Variants in COPS5 observed in about 807,000 individuals in gnomAD.
The protein encoded by COPS5 is COP9 signalosome subunit 5, also known as COP9 signalosome complex subunit 5.
In COPS5, 8 loss-of-function variants were observed where a neutral mutation model predicts 44.4. The ratio of observed to expected loss-of-function variants is 0.18; its 90% CI spans 0.11 to 0.32. The LOEUF is 0.32. Ranked by LOEUF, COPS5 falls within the 10% of genes least tolerant of loss-of-function variation. COPS5 has a pLI of 1.00. For synonymous variants in COPS5, 122 were observed against 142.8 expected (o/e 0.85, Z 1.04); for missense variants, 159 against 406.4 (o/e 0.39, Z 5.23).
At chr8:67,047,611 T>A (rs112462277) in intron 6 of COPS5, 1 of 452,428 alleles carries the variant, frequency 2.2e-6, no homozygotes, top group African/African-American at 1.9e-5. Flanking sequence ...AAGTTGAACA[T>A]ATATCTACAT....
rs117727376 is a variant in COPS5 at position 67,055,187 on chromosome 8, C to T, written c.659+1332G>A. Among the ~76,000 whole-genome samples, 53 of 152,266 alleles carry T rather than the reference C, an allele frequency of 3.5e-4. 1 individual carries two copies. The East Asian group carries it at 9.9e-3, about 28-fold the overall frequency. On this transcript the variant is annotated intron_variant, in intron 5 of 7. Transcript: ENST00000357849. The stretch of plus-strand genomic sequence containing the variant: ...GAAGTCAATATGGCTGGATTGCAGA[C>T]CAGCAGAAGTTCAGTGATAGGACAT...
In COPS5 at chr8:67,047,686, T is replaced by G. The variant is rs1003587241; in HGVS notation, c.772-1726A>C. ...AACAAGGGAGAAATGTAATTTAACC[T>G]TTTCTTGATTATTAATGTCCTCATG... On this transcript the variant is annotated intron_variant, in intron 6 of 7. Coordinates refer to ENST00000357849, the MANE Select transcript of COPS5 (RefSeq NM_006837.3). 5 of 618,760 alleles carry G rather than the reference T, an allele frequency of 8.1e-6. No individual in the cohort carries two copies. The Admixed American group carries it at 1.0e-4, about 13-fold the overall frequency. 38.3% of individuals were successfully genotyped at this position (618,760 alleles called of 1,614,324 possible). A position where few individuals can be genotyped will look rare whatever the true frequency, so the allele number is the denominator to read the frequency against.
At chr8:67,047,555 C>A in intron 6 of COPS5, 1 of 354,780 alleles carries the variant, frequency 2.8e-6, no homozygotes, top group Non-Finnish European at 5.1e-6. Context: ...TTGAAAATAA[C>A]TTAGGTTACA....
At position 67,045,932 on chromosome 8, in the gene COPS5, A is replaced by G. The variant is rs762937165; in HGVS notation, c.800T>C (p.Phe267Ser). 2.2e-5 allele frequency: 36 copies of G among 1,614,060 alleles called. No individual in the cohort carries two copies. The highest frequency in any genetic ancestry group is 2.5e-6 in the Non-Finnish European group (3 of 1,180,022). The stretch of plus-strand genomic sequence containing the variant: ...CTGCTCTAACTTTTCAGACAAATCA[A>G]AGACCTGACCAGTGGTATAGTCTGC... ...TNADYTTGQVFDLSEKLEQSE... is the reference protein window; with the variant it reads ...TNADYTTGQVSDLSEKLEQSE... The change falls in exon 7 of 8, where the codon TTT becomes TCT. Residue 267 changes from phenylalanine (F) to serine (S), a missense_variant. Transcript: ENST00000357849.
chr8:67,056,969 G>T (rs1804523613), intron 4 of COPS5, among the ~76,000 whole-genome samples: 1 of 151,830 alleles, frequency 6.6e-6, no homozygotes, highest in Non-Finnish European at 1.5e-5. Flanking sequence ...GATTTAGCTT[G>T]TTTTTTCTCT....
At chr8:67,056,966 C>T (rs1804523486) in intron 4 of COPS5, among the ~76,000 whole-genome samples, 1 of 151,860 alleles carries the variant, frequency 6.6e-6, no homozygotes, top group African/African-American at 2.4e-5. Flanking sequence ...ATAGATTTAG[C>T]TTGTTTTTTC....
chr8:67,062,078 C>A lies in COPS5; in HGVS notation c.-82G>T, dbSNP rs763335511. ...TAGGTTTCCGGGTGTGGGCCTTGAC[C>A]CTCCGCACCACGGGAACAAACTCTT... On this transcript the variant is annotated 5_prime_UTR_variant, in exon 1 of 8. Coordinates refer to ENST00000357849, the MANE Select transcript of COPS5 (RefSeq NM_006837.3). 1 of 1,602,436 alleles carries A rather than the reference C, an allele frequency of 6.2e-7. No individual in the cohort carries two copies. Among genetic ancestry groups the A allele is most frequent in the African/African-American group, 1.3e-5 (1 of 74,770 alleles).
chr8:67,061,489 T>G, intron 1 of COPS5: 1 of 432,710 alleles, frequency 2.3e-6, no homozygotes, highest in Non-Finnish European at 4.5e-6. Context: ...GCTGACTCGA[T>G]TTCTGAAAAC....
intron 1 of COPS5, chr8:67,060,501 T>C (rs1271834236): frequency 1.6e-6 from 2 of 1,289,186 alleles, no homozygotes; most frequent in African/African-American, 3.0e-5. Flanking sequence ...GTAGACCTCA[T>C]GTTGGAAGTC....
Position 67,051,211 on chromosome 8 carries a change from TTACAAGTA to T in COPS5, c.771+11_771+18del. 1 of 1,381,232 alleles carries T rather than the reference TTACAAGTA, an allele frequency of 7.2e-7. No homozygotes were observed. The highest frequency in any genetic ancestry group is 1.2e-5 in the South Asian group (1 of 86,408). The allele number at this position is 1,381,232 out of a possible 1,614,324, so 85.6% of individuals were successfully genotyped here. ...CTTAGATAAAATTCAAATGCATTCT[TTACAAGTA>T]TAGTACTTACAGTAAGCAAGCTAGA... On this transcript the variant is annotated intron_variant, in intron 6 of 7. Coordinates refer to ENST00000357849, the MANE Select transcript of COPS5 (RefSeq NM_006837.3).
At chr8:67,048,862 C>T (rs929699313) in intron 6 of COPS5, among the ~76,000 whole-genome samples, 2 of 151,900 alleles carry the variant, frequency 1.3e-5, no homozygotes, top group African/African-American at 2.4e-5. Context: ...ATAAAGTAGC[C>T]CATTTAATTT....
At chr8:67,057,616 C>G (rs1804532536) in intron 3 of COPS5, among the ~76,000 whole-genome samples, 171 bp from the exon 4 acceptor site, 1 of 152,172 alleles carries the variant, frequency 6.6e-6, no homozygotes, top group Non-Finnish European at 1.5e-5. Context: ...ATATAAGTGT[C>G]TCACAGCTAA....
In COPS5 at chr8:67,059,194, A is replaced by G; in HGVS notation, c.378+17T>C. The G allele has an allele frequency of 1.3e-6, 2 of 1,596,310 alleles. No individual in the cohort carries two copies. Among genetic ancestry groups the G allele is most frequent in the Non-Finnish European group, 1.7e-6 (2 of 1,164,398 alleles). ...TCTAACTTGCAATTACTAAACTATA[A>G]GAAACAACATTTTTACCTGTTTTGC... On this transcript the variant is annotated intron_variant, in intron 2 of 7. Coordinates refer to ENST00000357849, the MANE Select transcript of COPS5 (RefSeq NM_006837.3).
rs374143080 is a variant in COPS5, at chr8:67,046,060, T to C, written c.772-100A>G. ...CTAATTTTCTACAAAGAATATTTCA[T>C]TTGCAAAGAATTCCACTGTAAAATC... On this transcript the variant is annotated intron_variant, in intron 6 of 7. Transcript: ENST00000357849. The C allele has an allele frequency of 5.8e-6, 7 of 1,198,582 alleles. No homozygotes were observed. The South Asian group carries it at 7.6e-5, about 13-fold the overall frequency. The allele number at this position is 1,198,582 out of a possible 1,614,324, so 74.2% of individuals were successfully genotyped here.
Position 67,057,375 on chromosome 8 carries a change from G to T in COPS5, c.573+5C>A. ...ACTCTAACTCTTAAAAAAAAAAAAAGTTACCTTTGGGTATGTCCTAAAGGC... is the reference window on the plus strand; with the variant it reads ...ACTCTAACTCTTAAAAAAAAAAAAATTTACCTTTGGGTATGTCCTAAAGGC... On this transcript the variant is annotated splice_donor_5th_base_variant and intron_variant, in intron 4 of 7. Coordinates refer to ENST00000357849, the MANE Select transcript of COPS5 (RefSeq NM_006837.3). 1 of 1,567,542 alleles carries T rather than the reference G, an allele frequency of 6.4e-7. No homozygotes were observed.
chr8:67,056,651 AAATATATATATATATATATAT>A (rs1234698353), intron 4 of COPS5, 47 bp from the exon 5 acceptor site: 576 of 55,908 alleles, frequency 0.01, 87 homozygotes, highest in East Asian at 0.023. Flanking sequence ...AAAAAAAAAA[AAATATATATATATATATATAT>A]ATATATATAT....
At chr8:67,056,649 AAAAAT>A (rs1563447163) in intron 4 of COPS5, 45 bp from the exon 5 acceptor site, 1 of 76,966 alleles carries the variant, frequency 1.3e-5, no homozygotes, top group Non-Finnish European at 2.0e-5. Flanking sequence ...AAAAAAAAAA[AAAAAT>A]ATATATATAT....
Position 67,057,400 on chromosome 8 carries a change from C to T in COPS5, c.553G>A (p.Ala185Thr), listed in dbSNP as rs372916530. The change falls in exon 4 of 8, where the codon GCC becomes ACC. Residue 185 changes from alanine (A) to threonine (T), a missense_variant. Physicochemically the swap from Ala to Thr is moderately conservative, Grantham distance 58. This residue lies in a region of COPS5 where 134 missense variants were observed against 376.7 expected (regional missense o/e 0.36). Transcript: ENST00000357849. ...TISAGKVNLG[A>T]FRTYPKGYKP... ...GTTACCTTTGGGTATGTCCTAAAGG[C>T]GCCAAGATTCACTTTCCCTGCGGAT... The T allele has an allele frequency of 1.9e-5, 30 of 1,609,244 alleles. No individual in the cohort carries two copies. Among genetic ancestry groups the T allele is most frequent in the Non-Finnish European group, 2.4e-5 (28 of 1,177,976 alleles).
intron 6 of COPS5, among the ~76,000 whole-genome samples, chr8:67,048,337 A>G (rs1346480101): frequency 4.0e-5 from 6 of 151,074 alleles, no homozygotes; most frequent in Non-Finnish European, 7.4e-5. Flanking sequence ...AAATAAAATA[A>G]AAGGAAAAAA....
Sources: gnomAD v4.1 joint callset for allele counts (sites outside exome capture counted in the v4.1 genomes callset) on GRCh38, gnomAD v4.1.1 for gene constraint, gnomAD v4.1.1 regional missense constraint, MANE v1.5 for transcripts, NCBI Gene and HGNC (gene_info 2026-07-23, HGNC 2026-07-21) for gene names.